TMPRSS15: variants seen among roughly 807,000 people sequenced by gnomAD.
TMPRSS15 encodes the protein enteropeptidase.
TMPRSS15 carries 128 observed loss-of-function variants against 125.3 expected under a neutral mutation model. That is an observed-to-expected ratio of 1.02 (90% CI 0.89 to 1.18). TMPRSS15 has a LOEUF of 1.18. Among genes scored for constraint, TMPRSS15 ranks in the 50% most tolerant of loss-of-function variants. The probability of loss-of-function intolerance (pLI) is 0.00; values close to 1 mark genes in which losing one functional copy is unlikely to be tolerated. For missense variants in TMPRSS15, 1,283 were observed against 1,212.7 expected (o/e 1.06, Z -0.86); for synonymous variants, 446 against 423.2 (o/e 1.05, Z -0.66).
chr21:18,468,930 G>C (rs1336887326), intron 1 of TMPRSS15, among the ~76,000 whole-genome samples: 1 of 152,142 alleles, frequency 6.6e-6, no homozygotes, highest in African/African-American at 2.4e-5. Context: ...TGTGGAGTAC[G>C]CAGGCGTAGT....
intron 1 of TMPRSS15, among the ~76,000 whole-genome samples, chr21:18,441,460 G>A (rs747186485): frequency 6.6e-6 from 1 of 150,930 alleles, no homozygotes; most frequent in African/African-American, 2.4e-5. Context: ...CAGAAAATTC[G>A]CTGGGTGTGG....
chr21:18,420,372 G>A (rs1397122261), intron 1 of TMPRSS15, among the ~76,000 whole-genome samples: 1 of 152,166 alleles, frequency 6.6e-6, no homozygotes, highest in East Asian at 1.9e-4. Context: ...GTGGCAGTTT[G>A]TGGTTGAATA....
intron 3 of TMPRSS15, among the ~76,000 whole-genome samples, chr21:18,396,123 C>T (rs2076032256): frequency 6.6e-6 from 1 of 152,184 alleles, no homozygotes; most frequent in Non-Finnish European, 1.5e-5. Flanking sequence ...TCTCCATGCT[C>T]ATCTTGGCTT....
intron 5 of TMPRSS15, among the ~76,000 whole-genome samples, chr21:18,373,830 T>G (rs926364584): frequency 5.9e-5 from 9 of 152,236 alleles, no homozygotes; most frequent in Admixed American, 2.0e-4. Flanking sequence ...CCACTTGGAC[T>G]TGACTGATCT....
At chr21:18,422,889 A>G (rs2080345942) in intron 1 of TMPRSS15, among the ~76,000 whole-genome samples, 1 of 152,170 alleles carries the variant, frequency 6.6e-6, no homozygotes, top group Non-Finnish European at 1.5e-5. Context: ...GCAGTCAGGA[A>G]ATTAGGAAGT....
chr21:18,269,909 A>T lies in TMPRSS15; in HGVS notation c.*60T>A, dbSNP rs1226615293. 6.3e-7 allele frequency: 1 copy of T among 1,595,912 alleles called. No homozygotes were observed. The highest frequency in any genetic ancestry group is 1.1e-5 in the South Asian group (1 of 89,586). ...TTTTTGTACGAAACACTTAATTTCCATGCTTTCTAGAGTAGAATGGGAAAA... is the reference window on the plus strand; with the variant it reads ...TTTTTGTACGAAACACTTAATTTCCTTGCTTTCTAGAGTAGAATGGGAAAA... On this transcript the variant is annotated 3_prime_UTR_variant, in exon 25 of 25. Transcript: ENST00000284885.
intron 16 of TMPRSS15, among the ~76,000 whole-genome samples, chr21:18,324,289 T>C (rs1480326993): frequency 6.6e-6 from 1 of 152,210 alleles, no homozygotes; most frequent in Non-Finnish European, 1.5e-5. Context: ...GACTCTCATA[T>C]GTTTCTGTCT....
chr21:18,432,996 G>A lies in TMPRSS15; in HGVS notation c.11-34667C>T, dbSNP rs558503722. ...CAAAGATTCCCGTGTACCTTTCTCG[G>A]AAAGATAACTTTGTATCATGGCAAA... On this transcript the variant is annotated intron_variant, in intron 1 of 7. Coordinates refer to the TMPRSS15 transcript ENST00000422787. 3.4e-4 allele frequency among the ~76,000 whole-genome samples: 52 copies of A among 152,178 alleles called. 1 individual carries two copies. The South Asian group carries it at 9.3e-3, about 27-fold the overall frequency.
intron 1 of TMPRSS15, among the ~76,000 whole-genome samples, chr21:18,471,704 T>A (rs1296205563): frequency 6.6e-6 from 1 of 152,146 alleles, no homozygotes; most frequent in East Asian, 1.9e-4. Flanking sequence ...CAAAATCACT[T>A]GGAGTGTGAA....
At chr21:18,449,814 T>C (rs1387673942) in intron 1 of TMPRSS15, among the ~76,000 whole-genome samples, 1 of 151,886 alleles carries the variant, frequency 6.6e-6, no homozygotes, top group Non-Finnish European at 1.5e-5. Context: ...TGGGAAATGT[T>C]CTTTTTCTGA....
chr21:18,308,944 A>G (rs922355560), intron 18 of TMPRSS15, among the ~76,000 whole-genome samples: 1 of 152,188 alleles, frequency 6.6e-6, no homozygotes, highest in Non-Finnish European at 1.5e-5. Context: ...ATTGCTGCGT[A>G]GTATTCCATG....
intron 7 of TMPRSS15, among the ~76,000 whole-genome samples, chr21:18,364,581 G>A (rs1410917118): frequency 1.3e-5 from 2 of 152,138 alleles, no homozygotes; most frequent in Non-Finnish European, 2.9e-5. Context: ...GCTATCAGCA[G>A]CCTAATTATT....
intron 10 of TMPRSS15, among the ~76,000 whole-genome samples, chr21:18,351,551 C>T (rs2075569144): frequency 6.6e-6 from 1 of 152,124 alleles, no homozygotes. Flanking sequence ...ACATTTCTTC[C>T]TAAACACACT....
intron 21 of TMPRSS15, among the ~76,000 whole-genome samples, chr21:18,286,906 A>G (rs1371973497): frequency 6.6e-6 from 1 of 151,972 alleles, no homozygotes; most frequent in Non-Finnish European, 1.5e-5. Context: ...CCTCACTTCT[A>G]CCCCAGAGCA....
chr21:18,402,394 T>C (rs892256339), intron 1 of TMPRSS15, among the ~76,000 whole-genome samples: 1 of 151,964 alleles, frequency 6.6e-6, no homozygotes, highest in Non-Finnish European at 1.5e-5. Flanking sequence ...CTGGGCGTGA[T>C]GGCGCGCACC....
At chr21:18,297,712 A>C (rs2074922243) in intron 19 of TMPRSS15, 22 bp downstream of exon 19, 1 of 1,576,020 alleles carries the variant, frequency 6.3e-7, no homozygotes, top group Admixed American at 1.7e-5. Context: ...CAACTAGTCT[A>C]AGAACAGATT....
chr21:18,343,683 T>C, intron 11 of TMPRSS15, 27 bp from the exon 12 acceptor site: 1 of 1,605,624 alleles, frequency 6.2e-7, no homozygotes, highest in Non-Finnish European at 8.5e-7. Context: ...CAAAAATGTT[T>C]GGATTCCTAC....
In TMPRSS15 at chr21:18,272,227, A is replaced by ATTGT. The variant is rs113767780; in HGVS notation, c.2905-2107_2905-2104dup. Among the ~76,000 whole-genome samples the ATTGT allele has an allele frequency of 1.9e-3, 288 of 152,126 alleles. 2 individuals are homozygous for ATTGT. The highest frequency in any genetic ancestry group is 6.7e-3 in the African/African-American group (277 of 41,484). On this transcript the variant is annotated intron_variant, in intron 24 of 24. Coordinates refer to ENST00000284885, the MANE Select transcript of TMPRSS15 (RefSeq NM_002772.3). ...GTTCTTCACAACCTTGCCAGCATCT[A>ATTGT]TTGTTTCTTGACTTTTTAATAATCG...
chr21:18,403,705 T>A lies in TMPRSS15; in HGVS notation c.-83A>T. ...CAACTGAAGAGAAAAATCTCTCAAA[T>A]TTTTAAAGATGTGTAAAGCAACAAC... On this transcript the variant is annotated 5_prime_UTR_variant, in exon 1 of 25. Transcript: ENST00000284885. 6.4e-7 allele frequency: 1 copy of A among 1,565,940 alleles called. No homozygotes were observed. Among genetic ancestry groups the A allele is most frequent in the Non-Finnish European group, 8.7e-7 (1 of 1,144,292 alleles).
Sources: gnomAD v4.1 joint callset for allele counts (sites outside exome capture counted in the v4.1 genomes callset) on GRCh38, gnomAD v4.1.1 for gene constraint, MANE v1.5 for transcripts, NCBI Gene and HGNC (gene_info 2026-07-23, HGNC 2026-07-21) for gene names.